Variants in FGR observed in about 807,000 individuals in gnomAD.
FGR encodes FGR proto-oncogene, Src family tyrosine kinase.
A neutral mutation model predicts 63.2 loss-of-function variants in FGR; 26 were observed. The ratio of observed to expected loss-of-function variants is 0.41; its 90% CI spans 0.30 to 0.57. The LOEUF (loss-of-function observed/expected upper bound fraction) is 0.57, where lower values mean the gene tolerates loss of function less well. FGR is among the 20% of genes least tolerant of loss of function. FGR has a pLI of 0.27. For synonymous variants in FGR, 286 were observed against 277.7 expected, an observed-to-expected ratio of 1.03 and a Z score of -0.30; for missense variants, 511 against 690.8, an observed-to-expected ratio of 0.74 and a Z score of 2.92.
At position 27,612,884 on chromosome 1, in the gene FGR, A is replaced by G. The variant is rs1025227791; in HGVS notation, c.*30T>C. The G allele has an allele frequency of 6.3e-7, 1 of 1,596,728 alleles. No individual in the cohort carries two copies. The highest frequency in any genetic ancestry group is 8.6e-7 in the Non-Finnish European group (1 of 1,168,826). On this transcript the variant is annotated 3_prime_UTR_variant, in exon 13 of 13. Coordinates refer to ENST00000374005, the MANE Select transcript of FGR (RefSeq NM_005248.3). Reference sequence around the variant, plus strand: ...TGGGGATTGGCAAGGACTGGTGGCCACCGCCAGAGAGGGTTGATGCCCGGA... The same window carrying G: ...TGGGGATTGGCAAGGACTGGTGGCCGCCGCCAGAGAGGGTTGATGCCCGGA...
chr1:27,628,818 T>C (rs1017293631), intron 1 of FGR, among the ~76,000 whole-genome samples: 1 of 152,194 alleles, frequency 6.6e-6, no homozygotes, highest in African/African-American at 2.4e-5. Flanking sequence ...CTGGCAGGAC[T>C]GACCGTGTCG....
Position 27,613,128 on chromosome 1 carries a change from G to A in FGR, c.1382-6C>T, listed in dbSNP as rs1412936434. 1.2e-6 allele frequency: 2 copies of A among 1,613,644 alleles called. No individual in the cohort carries two copies. The highest frequency in any genetic ancestry group is 1.7e-4 in the Middle Eastern group (1 of 6,060). On this transcript the variant is annotated splice_polypyrimidine_tract_variant and splice_region_variant and intron_variant, in intron 12 of 12. Transcript: ENST00000374005. ...CACTTCCCGTTTATTCATGCCTGAA[G>A]GATGGGTCTCTGTCAGTCAAAGGGA...
chr1:27,624,289 G>T (rs975707351), intron 2 of FGR, among the ~76,000 whole-genome samples: 2 of 152,216 alleles, frequency 1.3e-5, no homozygotes, highest in Non-Finnish European at 2.9e-5. Flanking sequence ...AGGCTGGAGT[G>T]CAGTGGCACA....
In FGR at chr1:27,614,464, A is replaced by G; in HGVS notation, c.1215T>C (p.Arg405=). The G allele has an allele frequency of 1.9e-6, 3 of 1,613,552 alleles. No homozygotes were observed. Among genetic ancestry groups the G allele is most frequent in the Non-Finnish European group, 2.5e-6 (3 of 1,179,770 alleles). ...ACKIADFGLA[R]LIKDDEYNPC... is the part of the protein sequence containing the mutation. ...GGTTGTACTCATCGTCCTTGATGAG[A>G]CGCGCCAAGCCAAAGTCTGCGATCT... is the stretch of plus-strand genomic sequence containing the variant. The change falls in exon 11 of 13, where the codon CGT becomes CGC. Residue 405 remains arginine, a synonymous_variant. Transcript: ENST00000374005.
In FGR at chr1:27,615,224, C is replaced by T. The variant is rs1472132147; in HGVS notation, c.1018+210G>A. Among the ~76,000 whole-genome samples, 1 of 152,108 alleles carries T rather than the reference C, an allele frequency of 6.6e-6. No homozygotes were observed. The highest frequency in any genetic ancestry group is 6.5e-5 in the Admixed American group (1 of 15,280). The stretch of plus-strand genomic sequence containing the variant: ...AGCCCAAGCCCTACCCGCCTAACAC[C>T]GGAGGCACCGCCCCCCTCCCCAGCT... On this transcript the variant is annotated intron_variant, in intron 9 of 12. Transcript: ENST00000374005. The surrounding 1 kb of genome is among the most constrained non-coding windows in gnomAD (Gnocchi z 7.6).
At chr1:27,621,701 CCAAGG>C in intron 4 of FGR, 44 bp from the exon 5 acceptor site, 2 of 1,466,688 alleles carry the variant, frequency 1.4e-6, no homozygotes, top group South Asian at 2.3e-5. Flanking sequence ...CCTCCAGCCC[CCAAGG>C]CACCCTGAGG....
intron 4 of FGR, 69 bp downstream of exon 4, chr1:27,622,973 G>T: frequency 9.0e-7 from 1 of 1,105,252 alleles, no homozygotes; most frequent in Non-Finnish European, 1.4e-6. Context: ...CTAGGGACCA[G>T]GTGGGATTCC....
Position 27,630,578 on chromosome 1 carries a change from C to T in FGR, c.-77+4487G>A, listed in dbSNP as rs372842917. The stretch of plus-strand genomic sequence containing the variant: ...GGGCGCAGGTGGGGGGAGGGAGGGG[C>T]GCAGGAGAGAGAGAGAGAGAGCCAT... On this transcript the variant is annotated intron_variant, in intron 1 of 12. Transcript: ENST00000374005. 1.9e-3 allele frequency among the ~76,000 whole-genome samples: 271 copies of T among 144,772 alleles called. 2 individuals carry two copies. Among genetic ancestry groups the T allele is most frequent in the African/African-American group, 6.7e-3 (235 of 35,116 alleles). The allele number at this position is 144,772 out of a possible 152,430, so 95.0% of individuals were successfully genotyped here. A position where few individuals can be genotyped will look rare whatever the true frequency, so the allele number is the denominator to read the frequency against.
intron 1 of FGR, among the ~76,000 whole-genome samples, chr1:27,628,393 G>C (rs1258712267): frequency 6.6e-6 from 1 of 151,976 alleles, no homozygotes; most frequent in East Asian, 1.9e-4. Flanking sequence ...TTTGGCTCCA[G>C]AATCTGAGCT....
chr1:27,614,566 G>A lies in FGR; in HGVS notation c.1113C>T (p.Ala371=), dbSNP rs1194457625. The change falls in exon 11 of 13, where the codon GCC becomes GCT. Residue 371 remains alanine, a synonymous_variant. Transcript: ENST00000374005. The part of the protein sequence containing the change: ...DMAAQVAEGM[A]YMERMNYIHR... ...GAATGTAGTTCATGCGTTCCATGTA[G>A]GCCATGCCCTCAGCTACCTGGGGGA... is the stretch of plus-strand genomic sequence containing the variant. The A allele has an allele frequency of 2.5e-6, 4 of 1,613,966 alleles. No individual in the cohort carries two copies. In the African/African-American group the frequency reaches 5.3e-5, roughly 22 times the overall value.
intron 2 of FGR, among the ~76,000 whole-genome samples, chr1:27,624,488 T>A (rs1320923003): frequency 6.6e-6 from 1 of 152,198 alleles, no homozygotes; most frequent in Non-Finnish European, 1.5e-5. Flanking sequence ...TTTCTGTGAC[T>A]CTTTCAGTGT....
At chr1:27,623,557 C>T (rs1364521339) in intron 3 of FGR, 134 bp downstream of exon 3, 1 of 887,378 alleles carries the variant, frequency 1.1e-6, no homozygotes, top group Non-Finnish European at 1.8e-6. Flanking sequence ...TCCCTCAGCC[C>T]ATGTGATCTT....
chr1:27,620,675 A>G lies in FGR; in HGVS notation c.428+884T>C, dbSNP rs147375755. ...AGAATTAAGTGAACCAAGGAGATAAATACTTGCTGTAGTATACTTGCTCAA... is the reference window on the plus strand; with the variant it reads ...AGAATTAAGTGAACCAAGGAGATAAGTACTTGCTGTAGTATACTTGCTCAA... On this transcript the variant is annotated intron_variant, in intron 5 of 12. Coordinates refer to ENST00000374005, the MANE Select transcript of FGR (RefSeq NM_005248.3). Among the ~76,000 whole-genome samples the G allele has an allele frequency of 5.6e-4, 85 of 151,866 alleles. 1 individual carries two copies. Among genetic ancestry groups the G allele is most frequent in the African/African-American group, 2.0e-3 (81 of 41,388 alleles).
intron 1 of FGR, among the ~76,000 whole-genome samples, chr1:27,629,225 G>T (rs927999966): frequency 1.3e-5 from 2 of 152,038 alleles, no homozygotes; most frequent in Non-Finnish European, 2.9e-5. Flanking sequence ...GAAAAGAAAA[G>T]AAAAGAAAAA....
rs1297530765 is a variant in FGR, at chr1:27,614,942, A to T, written c.1019-16T>A. ...AGCAAGCTGCCTGGGAAGAAGCCAG[A>T]AAGTCAGCGGCAAAGCCCTACCCCG... On this transcript the variant is annotated splice_polypyrimidine_tract_variant and intron_variant, in intron 9 of 12. Transcript: ENST00000374005. 4 of 1,587,716 alleles carry T rather than the reference A, an allele frequency of 2.5e-6. No homozygotes were observed. Among genetic ancestry groups the T allele is most frequent in the Non-Finnish European group, 2.6e-6 (3 of 1,164,892 alleles).
intron 3 of FGR, 103 bp from the exon 4 acceptor site, chr1:27,623,247 C>T (rs1433270393): frequency 1.2e-6 from 1 of 803,914 alleles, no homozygotes; most frequent in Non-Finnish European, 2.1e-6. Flanking sequence ...CACCTCCCCA[C>T]TCCTTTAGTG....
In FGR at chr1:27,612,931, G is replaced by A. The variant is rs143850913; in HGVS notation, c.1573C>T (p.Pro525Ser). ...CGGACAGGCTATGTCTGATCCCCGGGCTGGTACTGTGGTTCAGCGGAGGTG... is the reference window on the plus strand; with the variant it reads ...CGGACAGGCTATGTCTGATCCCCGGACTGGTACTGTGGTTCAGCGGAGGTG... Reference protein sequence around the residue: ...YFTSAEPQYQPGDQT With the variant: ...YFTSAEPQYQSGDQT The change falls in exon 13 of 13, where the codon CCC (proline) becomes TCC (serine). Residue 525 changes from proline (P) to serine (S), a missense_variant. Transcript: ENST00000374005. The A allele has an allele frequency of 2.3e-4, 378 of 1,613,986 alleles. No individual in the cohort carries two copies. The highest frequency in any genetic ancestry group is 1.6e-3 in the African/African-American group (121 of 75,038).
chr1:27,634,187 C>G (rs1357149946), intron 1 of FGR, among the ~76,000 whole-genome samples: 1 of 152,106 alleles, frequency 6.6e-6, no homozygotes, highest in African/African-American at 2.4e-5. Context: ...CAGCGCGGCC[C>G]GCCCTCTCGT....
intron 5 of FGR, among the ~76,000 whole-genome samples, chr1:27,618,977 A>G (rs1187751535): frequency 1.3e-5 from 2 of 151,888 alleles, no homozygotes; most frequent in African/African-American, 4.8e-5. Context: ...CCCACTGCCA[A>G]ATCCAGCGGT....
Sources: allele counts gnomAD v4.1 joint callset (sites outside exome capture counted in the v4.1 genomes callset), GRCh38; gene constraint gnomAD v4.1.1; non-coding constraint Gnocchi (gnomAD v3.1); transcripts MANE v1.5; gene names NCBI Gene and HGNC (gene_info 2026-07-23, HGNC 2026-07-21).